TANK: variants seen among roughly 807,000 people sequenced by gnomAD.
TANK encodes the protein TRAF family member associated NFKB activator, also known as TRAF family member-associated NF-kappa-B activator.
Under a neutral mutation model 43.6 loss-of-function variants are expected in TANK, and 15 were observed. That is an observed-to-expected ratio of 0.34 (90% confidence interval 0.23 to 0.53). TANK has a LOEUF of 0.53. Ranked by LOEUF, TANK falls within the 20% of genes least tolerant of loss-of-function variation. The pLI, the probability that TANK is intolerant of heterozygous loss-of-function variation, is 0.94. For missense variants in TANK, 417 were observed against 498.6 expected, an observed-to-expected ratio of 0.84 and a Z score of 1.56; for synonymous variants, 162 against 178.2, an observed-to-expected ratio of 0.91 and a Z score of 0.73.
At chr2:161,221,312 A>G (rs1687328815) in intron 4 of TANK, among the ~76,000 whole-genome samples, 1 of 152,150 alleles carries the variant, frequency 6.6e-6, no homozygotes, top group Non-Finnish European at 1.5e-5. Context: ...CTAAAATATA[A>G]TGTTCAAAAT....
intron 6 of TANK, among the ~76,000 whole-genome samples, chr2:161,228,216 A>T (rs931651998): frequency 3.3e-5 from 5 of 152,228 alleles, no homozygotes; most frequent in Admixed American, 6.5e-5. Context: ...TGATGGCCCC[A>T]TAAGATTATA....
rs369082927 is a variant in TANK at position 161,139,798 on chromosome 2, C to T, written c.-50+2735C>T. 9.3e-5 allele frequency: 92 copies of T among 985,336 alleles called. 2 individuals carry two copies. The East Asian group carries it at 3.6e-3, about 39-fold the overall frequency. The allele number at this position is 985,336 out of a possible 1,614,324, so 61.0% of individuals were successfully genotyped here. A position where few individuals can be genotyped will look rare whatever the true frequency, so the allele number is the denominator to read the frequency against. On this transcript the variant is annotated intron_variant, in intron 1 of 7. Transcript: ENST00000259075. ...AAGTAACCCTATCCAGGCATAGCAG[C>T]CAAATAAACAAAGCAGCTATTCCTA...
chr2:161,228,664 T>C (rs1687755340), intron 6 of TANK, among the ~76,000 whole-genome samples: 1 of 152,242 alleles, frequency 6.6e-6, no homozygotes, highest in Non-Finnish European at 1.5e-5. Flanking sequence ...TACAGTGATG[T>C]ACAGTAATAT....
chr2:161,139,635 A>G (rs1270143259), intron 1 of TANK: 1 of 938,518 alleles, frequency 1.1e-6, no homozygotes, highest in African/African-American at 1.8e-5. Context: ...GTTCAAAATA[A>G]ACCAACCAAA....
intron 1 of TANK, among the ~76,000 whole-genome samples, chr2:161,179,248 A>C (rs1009168770): frequency 6.6e-6 from 1 of 152,172 alleles, no homozygotes; most frequent in African/African-American, 2.4e-5. Flanking sequence ...GTAAGAGTCC[A>C]TTTAATAAAA....
chr2:161,161,256 T>C, intron 1 of TANK: 3 of 1,549,656 alleles, frequency 1.9e-6, no homozygotes, highest in Non-Finnish European at 2.6e-6. Flanking sequence ...AGCCTTGCTA[T>C]GTAAAGTGGT....
chr2:161,138,819 T>C (rs1396509042), intron 1 of TANK, among the ~76,000 whole-genome samples: 1 of 152,208 alleles, frequency 6.6e-6, no homozygotes, highest in South Asian at 2.1e-4. Flanking sequence ...TCATGAAACT[T>C]ATGCACTAAT....
intron 1 of TANK, among the ~76,000 whole-genome samples, chr2:161,152,449 T>C (rs1017205486): frequency 2.0e-5 from 3 of 152,170 alleles, no homozygotes; most frequent in Non-Finnish European, 4.4e-5. Flanking sequence ...TCTAGCACTT[T>C]ATATATGTCA....
chr2:161,160,965 C>T (rs1167490015), intron 1 of TANK: 1 of 430,544 alleles, frequency 2.3e-6, no homozygotes, highest in South Asian at 2.2e-5. Flanking sequence ...GCACAATTCC[C>T]CTCTGCCTTC....
rs537874174 is a variant in TANK, at chr2:161,205,898, G to C, written c.327+1105G>C. 2.6e-5 allele frequency among the ~76,000 whole-genome samples: 4 copies of C among 152,092 alleles called. No homozygotes were observed. In the South Asian group the frequency reaches 8.3e-4, roughly 31 times the overall value. On this transcript the variant is annotated intron_variant, in intron 4 of 7. Transcript: ENST00000392749. ...TGCTCACTGCAACCTCCACCTCCTG[G>C]GTTCAAGCAATTCTACAGGCGCATG...
At chr2:161,194,265 A>T (rs182540566) in intron 2 of TANK, among the ~76,000 whole-genome samples, 1 of 152,080 alleles carries the variant, frequency 6.6e-6, no homozygotes, top group Non-Finnish European at 1.5e-5. Context: ...ATGTAATTAG[A>T]AAATAGAAAT....
At chr2:161,161,120 C>G in intron 1 of TANK, 2 of 1,224,844 alleles carry the variant, frequency 1.6e-6, no homozygotes, top group Non-Finnish European at 2.2e-6. Flanking sequence ...GTCCTCACGC[C>G]GGTGTAAACT....
At chr2:161,150,803 C>T (rs180921746) in intron 1 of TANK, among the ~76,000 whole-genome samples, 4 of 152,166 alleles carry the variant, frequency 2.6e-5, no homozygotes, top group South Asian at 4.2e-4. Context: ...GTTGGCCAGG[C>T]TGGTCTCAAA....
At chr2:161,201,425 G>A (rs930825794) in intron 2 of TANK, 1 of 311,726 alleles carries the variant, frequency 3.2e-6, no homozygotes, top group Admixed American at 6.5e-5. Flanking sequence ...CTTCATTAAG[G>A]TGGGAAAAAA....
chr2:161,154,005 G>A (rs1184012047), intron 1 of TANK, among the ~76,000 whole-genome samples: 1 of 152,162 alleles, frequency 6.6e-6, no homozygotes, highest in Admixed American at 6.5e-5. Context: ...GATAACCTAG[G>A]ACTCTGCCTA....
intron 1 of TANK, among the ~76,000 whole-genome samples, chr2:161,170,303 A>G (rs1228698601): frequency 6.6e-6 from 1 of 152,190 alleles, no homozygotes; most frequent in East Asian, 1.9e-4. Flanking sequence ...CTATTAATTA[A>G]GTTGATGAGT....
At chr2:161,161,286 A>C in intron 1 of TANK, 1 of 1,550,606 alleles carries the variant, frequency 6.4e-7, no homozygotes, top group African/African-American at 1.4e-5. Flanking sequence ...ACCTCACAGG[A>C]GATGCTTTTG....
chr2:161,165,895 T>C (rs1282030377), intron 1 of TANK, among the ~76,000 whole-genome samples: 1 of 152,232 alleles, frequency 6.6e-6, no homozygotes, highest in Non-Finnish European at 1.5e-5. Context: ...GAACATCACA[T>C]GCCTGCTTTC....
At chr2:161,225,807 T>C (rs1029531781) in intron 6 of TANK, among the ~76,000 whole-genome samples, 6 of 152,206 alleles carry the variant, frequency 3.9e-5, no homozygotes, top group Non-Finnish European at 8.8e-5. Context: ...AAAATCATTT[T>C]ATAGTGTAAA....
Sources: gnomAD v4.1 joint callset for allele counts (sites outside exome capture counted in the v4.1 genomes callset) on GRCh38, gnomAD v4.1.1 for gene constraint, MANE v1.5 for transcripts, NCBI Gene and HGNC (gene_info 2026-07-23, HGNC 2026-07-21) for gene names.